Variants in TXLNB observed in about 807,000 individuals in gnomAD.
TXLNB encodes taxilin beta.
Under a neutral mutation model 57.4 loss-of-function variants are expected in TXLNB, and 37 were observed. The ratio of observed to expected loss-of-function variants is 0.64; its 90% confidence interval spans 0.50 to 0.85. The LOEUF is 0.85. TXLNB is among the 40% of genes least tolerant of loss of function. The pLI, the probability that TXLNB is intolerant of heterozygous loss-of-function variation, is 0.00. For synonymous variants in TXLNB, 302 were observed against 309.6 expected (o/e 0.98, Z 0.26); for missense variants, 848 against 825.6 (o/e 1.03, Z -0.33).
chr6:139,233,701 G>A, the TXLNB span, among the ~76,000 whole-genome samples: 2 of 152,140 alleles, frequency 1.3e-5, no homozygotes, highest in African/African-American at 4.8e-5. Context: ...AGAACTATGA[G>A]TCAATTAAGC....
At chr6:139,287,805 A>G (rs1036931455) in intron 2 of TXLNB, among the ~76,000 whole-genome samples, 1 of 152,194 alleles carries the variant, frequency 6.6e-6, no homozygotes, top group Non-Finnish European at 1.5e-5. Flanking sequence ...CCAATCTCCC[A>G]TGCTCTCCTA....
chr6:139,230,588 G>A, the TXLNB span, among the ~76,000 whole-genome samples: 4 of 152,178 alleles, frequency 2.6e-5, no homozygotes, highest in Non-Finnish European at 5.9e-5. Context: ...TCCATGCTCT[G>A]CAGCTGGTCT....
chr6:139,312,507 T>G, the TXLNB span, among the ~76,000 whole-genome samples: 1 of 152,180 alleles, frequency 6.6e-6, no homozygotes, highest in South Asian at 2.1e-4. Flanking sequence ...GCCTTTCCAT[T>G]TGGGTACCTT....
At chr6:139,243,495 T>TA (rs1776002429) in intron 9 of TXLNB, among the ~76,000 whole-genome samples, 181 bp from the exon 10 acceptor site, 1 of 149,284 alleles carries the variant, frequency 6.7e-6, no homozygotes, top group African/African-American at 2.5e-5. Context: ...CACTTTCCTT[T>TA]TTTTTTTTTT....
At chr6:139,207,858 T>C in the TXLNB span, among the ~76,000 whole-genome samples, 344 of 152,274 alleles carry the variant, frequency 2.3e-3, 1 homozygote, top group Middle Eastern at 6.8e-3. Context: ...GGCAGATTGC[T>C]TGAGGCCAGG....
chr6:139,166,063 G>A, the TXLNB span: 25 of 480,916 alleles, frequency 5.2e-5, no homozygotes, highest in Non-Finnish European at 8.8e-5. Context: ...GATGAAGGGC[G>A]TTGAAGGTCC....
the TXLNB span, among the ~76,000 whole-genome samples, chr6:139,319,184 T>G: frequency 6.6e-6 from 1 of 151,848 alleles, no homozygotes; most frequent in African/African-American, 2.4e-5. Flanking sequence ...CCTCGTGATC[T>G]GCCCGCCTCG....
intron 3 of TXLNB, 48 bp downstream of exon 3, chr6:139,276,782 C>T (rs1327640903): frequency 1.4e-6 from 2 of 1,447,942 alleles, no homozygotes; most frequent in South Asian, 1.2e-5. Context: ...GCTAGAGGCA[C>T]TGGGCTCACT....
intron 3 of TXLNB, among the ~76,000 whole-genome samples, chr6:139,273,355 T>C (rs1163693339): frequency 6.6e-6 from 1 of 152,268 alleles, no homozygotes; most frequent in South Asian, 2.1e-4. Flanking sequence ...CTGCACTATG[T>C]GGCTTTATCT....
chr6:139,232,430 AG>A, the TXLNB span, among the ~76,000 whole-genome samples: 2 of 152,204 alleles, frequency 1.3e-5, no homozygotes, highest in Non-Finnish European at 2.9e-5. Flanking sequence ...TTATACTTGT[AG>A]TACTCTCATC....
intron 3 of TXLNB, among the ~76,000 whole-genome samples, chr6:139,276,549 T>C (rs1285445937): frequency 6.6e-6 from 1 of 152,250 alleles, no homozygotes; most frequent in Non-Finnish European, 1.5e-5. Flanking sequence ...TTTCATTCCC[T>C]GATTTAGATA....
At chr6:139,315,078 C>G in the TXLNB span, among the ~76,000 whole-genome samples, 1,193 of 152,094 alleles carry the variant, frequency 7.8e-3, 19 homozygotes, top group African/African-American at 0.028. Flanking sequence ...TTTTGCAGGC[C>G]CTGAACTCCA....
intron 5 of TXLNB, 113 bp from the exon 6 acceptor site, chr6:139,260,550 GA>G: frequency 8.4e-7 from 1 of 1,193,702 alleles, no homozygotes; most frequent in Non-Finnish European, 1.2e-6. Flanking sequence ...TTTAAAAGAA[GA>G]GAGGGATAAA....
At chr6:139,246,428 C>G (rs11155044) in intron 8 of TXLNB, among the ~76,000 whole-genome samples, 1 of 152,108 alleles carries the variant, frequency 6.6e-6, no homozygotes, top group Non-Finnish European at 1.5e-5. Context: ...AATCCCTGTT[C>G]GGAAACACAG....
the TXLNB span, among the ~76,000 whole-genome samples, chr6:139,225,404 A>C: frequency 2.6e-5 from 4 of 152,218 alleles, no homozygotes; most frequent in Admixed American, 1.3e-4. Flanking sequence ...TCTAGATGAC[A>C]TGATTGTGTG....
At chr6:139,180,630 T>TAAAG in the TXLNB span, 2 of 152,636 alleles carry the variant, frequency 1.3e-5, no homozygotes, top group Admixed American at 6.5e-5. Flanking sequence ...TTCTTGTCAG[T>TAAAG]AAAGATTTCT....
chr6:139,233,648 T>A, the TXLNB span, among the ~76,000 whole-genome samples: 1 of 152,118 alleles, frequency 6.6e-6, no homozygotes, highest in Non-Finnish European at 1.5e-5. Context: ...TTCTTCACCT[T>A]CTGCCATGAT....
In TXLNB at chr6:139,288,657, GC is replaced by G. The variant is rs1777235462; in HGVS notation, c.242del (p.Gly81AlafsTer58). On this transcript the variant is annotated frameshift_variant, in exon 2 of 10. Transcript: ENST00000358430. LOFTEE classifies it high-confidence loss of function. ...CAGGCTGCTCACTGGCCCTGGCAGA[GC>G]CCTCTTTCCCTGCTGTGCTGGCAGC... ...GSAASTAGKE[G>X]SARASEQPEN... is the part of the protein sequence containing the mutation. The G allele has an allele frequency of 6.2e-7, 1 of 1,614,178 alleles. No individual in the cohort carries two copies. Among genetic ancestry groups the G allele is most frequent in the African/African-American group, 1.3e-5 (1 of 75,042 alleles).
chr6:139,298,666 A>C, the TXLNB span, among the ~76,000 whole-genome samples: 1 of 152,202 alleles, frequency 6.6e-6, no homozygotes, highest in African/African-American at 2.4e-5. Context: ...CCACTGTTGC[A>C]ACCCCTGCAT....
Sources: gnomAD v4.1 joint callset for allele counts (sites outside exome capture counted in the v4.1 genomes callset) on GRCh38, gnomAD v4.1.1 for gene constraint, MANE v1.5 for transcripts, NCBI Gene and HGNC (gene_info 2026-07-23, HGNC 2026-07-21) for gene names.